TSNAXIP1: variants seen among roughly 807,000 people sequenced by gnomAD.
TSNAXIP1 encodes translin associated factor X interacting protein 1.
In TSNAXIP1, 89 loss-of-function variants were observed where a neutral mutation model predicts 84.8. The ratio of observed to expected loss-of-function variants is 1.05; its 90% CI spans 0.88 to 1.25. The LOEUF is 1.25. TSNAXIP1 is among the 50% of genes most tolerant of loss of function. The probability of loss-of-function intolerance (pLI) is 0.00; values close to 1 mark genes in which losing one functional copy is unlikely to be tolerated. For missense variants in TSNAXIP1, 874 were observed against 887.6 expected, an observed-to-expected ratio of 0.98 and a Z score of 0.20; for synonymous variants, 347 against 335.2, an observed-to-expected ratio of 1.04 and a Z score of -0.39.
At position 67,827,825 on chromosome 16, in the gene TSNAXIP1, A is replaced by T. The variant is rs759387534; in HGVS notation, c.1971A>T (p.Thr657=). The T allele has an allele frequency of 3.2e-5, 51 of 1,614,176 alleles. 1 individual carries two copies. The South Asian group carries it at 5.3e-4, about 17-fold the overall frequency. ...MTIDPSLDKQ[T]VNTYMSQAFQ... ...TCGACCCCAGCCTGGACAAGCAGAC[A>T]GTGAACACCTACATGAGCCAGGCCT... Residue 657 remains threonine (T), a synonymous_variant, in exon 16 of 16, where the codon ACA becomes ACT. Transcript: ENST00000561639.
intron 2 of TSNAXIP1, 78 bp from the exon 3 acceptor site, chr16:67,820,761 T>TG (rs2056976583): frequency 1.8e-6 from 2 of 1,104,434 alleles, no homozygotes; most frequent in Non-Finnish European, 2.5e-6. Context: ...AAGTCAGGAC[T>TG]GGGGGAGGAG....
At chr16:67,820,762 G>A (rs371584883) in intron 2 of TSNAXIP1, 77 bp from the exon 3 acceptor site, 19 of 1,137,018 alleles carry the variant, frequency 1.7e-5, no homozygotes, top group Admixed American at 7.4e-5. Flanking sequence ...AGTCAGGACT[G>A]GGGGAGGAGA....
intron 4 of TSNAXIP1, among the ~76,000 whole-genome samples, chr16:67,821,893 G>A (rs987027785): frequency 1.3e-5 from 2 of 152,150 alleles, no homozygotes; most frequent in Admixed American, 6.5e-5. Flanking sequence ...GCTGAGGCAG[G>A]AGAATTGCTT....
Position 67,827,786 on chromosome 16 carries a change from G to C in TSNAXIP1, c.1932G>C (p.Gly644=), listed in dbSNP as rs1567785125. 1.2e-6 allele frequency: 2 copies of C among 1,614,104 alleles called. No individual in the cohort carries two copies. Among genetic ancestry groups the C allele is most frequent in the South Asian group, 2.2e-5 (2 of 91,078 alleles). Residue 644 remains glycine (G), a synonymous_variant, in exon 16 of 16, where the codon GGG becomes GGC. Transcript: ENST00000561639. ...HEEVTLPKLR[G]GLMTIDPSLD... is the part of the protein sequence containing the mutation. ...AAGTGACTCTGCCCAAGCTGCGAGG[G>C]GGCCTGATGACCATCGACCCCAGCC...
At position 67,820,937 on chromosome 16, in the gene TSNAXIP1, C is replaced by T. The variant is rs761146194; in HGVS notation, c.246C>T (p.Tyr82=). 6 of 1,601,040 alleles carry T rather than the reference C, an allele frequency of 3.7e-6. No homozygotes were observed. The South Asian group carries it at 6.8e-5, about 18-fold the overall frequency. Residue 82 remains tyrosine, a synonymous_variant, in exon 3 of 16, where the codon TAC becomes TAT. Coordinates refer to ENST00000561639, the MANE Select transcript of TSNAXIP1 (RefSeq NM_001288990.3). Reference sequence around the variant, plus strand: ...ATCGAAAACCCTGTTCAGATGACTACCGGAAGCGAGTAGGGTAAGCCAGGG... The same window carrying T: ...ATCGAAAACCCTGTTCAGATGACTATCGGAAGCGAGTAGGGTAAGCCAGGG... ...LQNRKPCSDD[Y]RKRVGSCQQH...
chr16:67,811,242 T>C (rs914850386), intron 1 of TSNAXIP1, among the ~76,000 whole-genome samples: 1 of 152,020 alleles, frequency 6.6e-6, no homozygotes, highest in African/African-American at 2.4e-5. Flanking sequence ...AGCAGGTGTT[T>C]GGTTTGCCTT....
At position 67,826,679 on chromosome 16, in the gene TSNAXIP1, C is replaced by T. The variant is rs2057480739; in HGVS notation, c.1402-13C>T. On this transcript the variant is annotated splice_polypyrimidine_tract_variant and intron_variant, in intron 11 of 15. Transcript: ENST00000561639. The stretch of plus-strand genomic sequence containing the variant: ...CCGTAAGACTCTGACTGAGCATTTC[C>T]TCGATCCCGCAGAAAGAGACGTTCC... 2 of 1,612,564 alleles carry T rather than the reference C, an allele frequency of 1.2e-6. No individual in the cohort carries two copies. Among genetic ancestry groups the T allele is most frequent in the African/African-American group, 1.3e-5 (1 of 74,962 alleles).
chr16:67,815,262 C>T (rs1020903420), intron 2 of TSNAXIP1, among the ~76,000 whole-genome samples: 1 of 140,872 alleles, frequency 7.1e-6, no homozygotes, highest in African/African-American at 2.7e-5. Flanking sequence ...TGCAGTGAGC[C>T]GAGATCACAC....
At chr16:67,820,762 G>C (rs371584883) in intron 2 of TSNAXIP1, 77 bp from the exon 3 acceptor site, 13 of 1,137,018 alleles carry the variant, frequency 1.1e-5, no homozygotes, top group Middle Eastern at 2.1e-4. Context: ...AGTCAGGACT[G>C]GGGGAGGAGA....
chr16:67,824,886 G>C (rs542667183), intron 6 of TSNAXIP1, 107 bp downstream of exon 6: 1 of 1,268,878 alleles, frequency 7.9e-7, no homozygotes, highest in Non-Finnish European at 1.1e-6. Flanking sequence ...GTGACACACT[G>C]AGCCACCACC....
At chr16:67,809,186 A>AG (rs1215196216) in intron 1 of TSNAXIP1, among the ~76,000 whole-genome samples, 2 of 234 alleles carry the variant, frequency 8.5e-3, no homozygotes, top group Admixed American at 0.062. Flanking sequence ...AAAAAAAAAA[A>AG]TGGCCGGGCG....
intron 7 of TSNAXIP1, 80 bp from the exon 8 acceptor site, chr16:67,825,587 A>G (rs2057375327): frequency 5.9e-6 from 9 of 1,527,074 alleles, no homozygotes; most frequent in African/African-American, 1.4e-5. Context: ...AGGGAACCCC[A>G]AACAGGAAGG....
intron 6 of TSNAXIP1, 76 bp downstream of exon 6, chr16:67,824,855 T>C (rs2151259913): frequency 6.8e-7 from 1 of 1,472,790 alleles, no homozygotes; most frequent in Non-Finnish European, 9.2e-7. Context: ...CCCCCTACCC[T>C]GCTCTGCCTT....
At chr16:67,814,196 G>A in intron 1 of TSNAXIP1, 106 bp from the exon 2 acceptor site, 2 of 899,912 alleles carry the variant, frequency 2.2e-6, no homozygotes, top group South Asian at 3.0e-5. Context: ...AGCACCCAGA[G>A]CCTGGCTCAG....
Position 67,807,080 on chromosome 16 carries a change from A to C in TSNAXIP1, c.-70A>C. The C allele has an allele frequency of 6.6e-7, 1 of 1,514,380 alleles. No individual in the cohort carries two copies. Among genetic ancestry groups the C allele is most frequent in the Non-Finnish European group, 8.8e-7 (1 of 1,133,852 alleles). The allele number at this position is 1,514,380 out of a possible 1,614,324, so 93.8% of individuals were successfully genotyped here. A position where few individuals can be genotyped will look rare whatever the true frequency, so the allele number is the denominator to read the frequency against. On this transcript the variant is annotated 5_prime_UTR_variant, in exon 1 of 16. An upstream start codon of the reference 5' UTR is lost. Coordinates refer to ENST00000561639, the MANE Select transcript of TSNAXIP1 (RefSeq NM_001288990.3). Reference sequence around the variant, plus strand: ...GGGGGGCCTCTGGGGCCTGGTCGCCATGGCGACCGGCTGTACGCTACCACA... The same window carrying C: ...GGGGGGCCTCTGGGGCCTGGTCGCCCTGGCGACCGGCTGTACGCTACCACA...
chr16:67,807,267 C>A (rs1169768372), intron 1 of TSNAXIP1, 71 bp downstream of exon 1: 1 of 1,535,654 alleles, frequency 6.5e-7, no homozygotes, highest in Non-Finnish European at 8.7e-7. Flanking sequence ...GGCACTTGAT[C>A]CGGACCTCTG....
At chr16:67,816,946 T>C (rs1276429127) in intron 2 of TSNAXIP1, among the ~76,000 whole-genome samples, 1 of 147,670 alleles carries the variant, frequency 6.8e-6, no homozygotes, top group African/African-American at 2.6e-5. Context: ...CGAGGACTGG[T>C]CTTTTTTTTT....
intron 1 of TSNAXIP1, among the ~76,000 whole-genome samples, chr16:67,812,081 T>A (rs1597992874): frequency 6.6e-6 from 1 of 152,018 alleles, no homozygotes; most frequent in Non-Finnish European, 1.5e-5. Context: ...GACACTGAGG[T>A]TCAGAGATGT....
At position 67,827,501 on chromosome 16, in the gene TSNAXIP1, T is replaced by G; in HGVS notation, c.1820T>G (p.Val607Gly). ...GAGGAGGGCCAGAGTGAGCCCTTTG[T>G]GCAAAAACTCTGGGAACAATACATG... ...EDEEGQSEPFVQKLWEQYMDE... is the reference protein window; with the variant it reads ...EDEEGQSEPFGQKLWEQYMDE... The change falls in exon 15 of 16, where the codon GTG becomes GGG. Residue 607 changes from valine (V) to glycine (G), a missense_variant. Physicochemically the swap from Val to Gly is moderately radical, Grantham distance 109 (BLOSUM62 -3). Coordinates refer to ENST00000561639, the MANE Select transcript of TSNAXIP1 (RefSeq NM_001288990.3). The G allele has an allele frequency of 1.2e-6, 2 of 1,614,140 alleles. No homozygotes were observed. The highest frequency in any genetic ancestry group is 1.7e-6 in the Non-Finnish European group (2 of 1,180,024).
Sources: allele counts gnomAD v4.1 joint callset (sites outside exome capture counted in the v4.1 genomes callset), GRCh38; gene constraint gnomAD v4.1.1; transcripts MANE v1.5; gene names NCBI Gene and HGNC (gene_info 2026-07-23, HGNC 2026-07-21).